Variants in ADCY5 observed in about 807,000 individuals in gnomAD.
ADCY5 encodes the protein adenylate cyclase type 5.
ADCY5 carries 30 observed loss-of-function variants against 119.7 expected under a neutral mutation model. The ratio of observed to expected loss-of-function variants is 0.25; its 90% confidence interval spans 0.19 to 0.34. The LOEUF is 0.34. Among genes scored for constraint, ADCY5 ranks in the 10% least tolerant of loss-of-function variants. The pLI is 1.00. For missense variants in ADCY5, 1,324 were observed against 1,775.2 expected (o/e 0.75, Z 4.57); for synonymous variants, 753 against 762.2 (o/e 0.99, Z 0.20).
At chr3:123,337,744 G>A (rs1942088764) in intron 3 of ADCY5, among the ~76,000 whole-genome samples, 1 of 152,218 alleles carries the variant, frequency 6.6e-6, no homozygotes, top group East Asian at 1.9e-4. Context: ...CAAAGATCTT[G>A]CTTCCAAATA....
At chr3:123,430,954 G>A (rs1029997032) in intron 1 of ADCY5, among the ~76,000 whole-genome samples, 1 of 152,140 alleles carries the variant, frequency 6.6e-6, no homozygotes, top group Non-Finnish European at 1.5e-5. Context: ...ATCCTCTGAG[G>A]GTACAAGCCC....
intron 12 of ADCY5, among the ~76,000 whole-genome samples, chr3:123,306,493 C>T (rs1470845773): frequency 6.6e-6 from 1 of 152,060 alleles, no homozygotes; most frequent in Non-Finnish European, 1.5e-5. Flanking sequence ...AGAGGTGACA[C>T]CAAAAGCACC....
At chr3:123,351,468 C>A (rs1007814670) in intron 2 of ADCY5, among the ~76,000 whole-genome samples, 1 of 152,174 alleles carries the variant, frequency 6.6e-6, no homozygotes, top group Non-Finnish European at 1.5e-5. Flanking sequence ...ACGCAGCATG[C>A]GGCACTTAGA....
chr3:123,314,085 T>C (rs753296485), intron 12 of ADCY5, 150 bp downstream of exon 12: 1 of 618,618 alleles, frequency 1.6e-6, no homozygotes, highest in Non-Finnish European at 2.9e-6. Context: ...GCCAATGCCA[T>C]TGGAGAGGTG....
intron 1 of ADCY5, among the ~76,000 whole-genome samples, chr3:123,446,019 A>G (rs947236125): frequency 2.0e-5 from 3 of 152,210 alleles, no homozygotes; most frequent in African/African-American, 7.2e-5. Context: ...GCAGGGGTAC[A>G]GCTTGGGGCA....
rs1553751262 is a variant in ADCY5 at position 123,448,117 on chromosome 3, AGCCGCCGCCGCCGAGCCGCC to A, written c.409_428del (p.Gly137CysfsTer184). On this transcript the variant is annotated frameshift_variant, in exon 1 of 21. Coordinates refer to ENST00000462833, the MANE Select transcript of ADCY5 (RefSeq NM_183357.3). LOFTEE classifies it high-confidence loss of function. ...GCACCTCCGTCCCGCCCGCCGAGGCAGCCGCCGCCGCCGAGCCGCCGCCGCCGCCCGCAGGGGGCGCCCGG... is the reference window on the plus strand; with the variant it reads ...GCACCTCCGTCCCGCCCGCCGAGGCAGCCGCCGCCCGCAGGGGGCGCCCGG... The A allele has an allele frequency of 9.1e-7, 1 of 1,094,628 alleles. No individual in the cohort carries two copies. Among genetic ancestry groups the A allele is most frequent in the Non-Finnish European group, 1.1e-6 (1 of 904,510 alleles). The allele number at this position is 1,094,628 out of a possible 1,614,324, so 67.8% of individuals were successfully genotyped here. A position where few individuals can be genotyped will look rare whatever the true frequency, so the allele number is the denominator to read the frequency against.
At chr3:123,304,308 G>A (rs368996492) in intron 12 of ADCY5, 125 bp from the exon 13 acceptor site, 56 of 679,504 alleles carry the variant, frequency 8.2e-5, no homozygotes, top group Middle Eastern at 8.1e-4. Context: ...TGACCCCTGG[G>A]CCTTCCTGGT....
At chr3:123,308,108 A>C (rs1347439121) in intron 12 of ADCY5, among the ~76,000 whole-genome samples, 2 of 132,264 alleles carry the variant, frequency 1.5e-5, no homozygotes, top group Non-Finnish European at 1.5e-5. Flanking sequence ...GTCTCGGCTC[A>C]CTGCAAGCTC....
intron 1 of ADCY5, among the ~76,000 whole-genome samples, chr3:123,441,308 A>G (rs1451117092): frequency 2.6e-5 from 4 of 152,202 alleles, no homozygotes; most frequent in African/African-American, 2.4e-5. Flanking sequence ...GGTGATTATG[A>G]TAAGCCAAAG....
rs189392331 is a variant in ADCY5 at position 123,292,093 on chromosome 3, C to T, written c.3064-717G>A. Among the ~76,000 whole-genome samples the T allele has an allele frequency of 3.3e-3, 510 of 152,318 alleles. 1 individual carries two copies. Among genetic ancestry groups the T allele is most frequent in the Non-Finnish European group, 5.6e-3 (384 of 68,030 alleles). ...CCTCGGGTCAAGAGGCCAGTAGTGC[C>T]CTACAAGGGGCTGAAGGGAAGAGGT... On this transcript the variant is annotated intron_variant, in intron 17 of 20. Coordinates refer to ENST00000462833, the MANE Select transcript of ADCY5 (RefSeq NM_183357.3).
intron 1 of ADCY5, among the ~76,000 whole-genome samples, chr3:123,441,342 T>A (rs749274954): frequency 1.4e-4 from 22 of 152,220 alleles, no homozygotes; most frequent in Non-Finnish European, 2.2e-4. Context: ...ATGCAGTCAG[T>A]GACCCATCCA....
At chr3:123,446,291 G>A (rs1214032712) in intron 1 of ADCY5, among the ~76,000 whole-genome samples, 2 of 152,230 alleles carry the variant, frequency 1.3e-5, no homozygotes, top group East Asian at 1.9e-4. Context: ...GGCACTAGAA[G>A]AGGGGAGACA....
chr3:123,447,578 C>A lies in ADCY5; in HGVS notation c.968G>T (p.Arg323Leu). The A allele has an allele frequency of 1.2e-6, 2 of 1,608,274 alleles. No homozygotes were observed. Among genetic ancestry groups the A allele is most frequent in the Non-Finnish European group, 1.7e-6 (2 of 1,179,378 alleles). The change falls in exon 1 of 21, where the codon CGC becomes CTC. Residue 323 changes from arginine (R) to leucine (L), a missense_variant. By Grantham distance (102) the Arg-to-Leu change is moderately radical. Transcript: ENST00000462833. ...QVVGLLLPQPRSASEGIWWTV... is the reference protein window; with the variant it reads ...QVVGLLLPQPLSASEGIWWTV... ...CCACCAGATGCCCTCAGAGGCGCTG[C>A]GTGGCTGCGGCAGCAGCAGGCCCAC...
intron 6 of ADCY5, among the ~76,000 whole-genome samples, chr3:123,328,105 A>C (rs931569626): frequency 4.6e-5 from 7 of 151,992 alleles, no homozygotes; most frequent in Non-Finnish European, 1.0e-4. Flanking sequence ...CGGAGTCCAA[A>C]TTCACGAGCC....
At chr3:123,342,657 C>A (rs570080144) in intron 3 of ADCY5, among the ~76,000 whole-genome samples, 1 of 151,024 alleles carries the variant, frequency 6.6e-6, no homozygotes, top group Admixed American at 6.6e-5. Flanking sequence ...GCTTTCTCGC[C>A]CTTCACACAA....
At chr3:123,440,131 T>C (rs1295952605) in intron 1 of ADCY5, among the ~76,000 whole-genome samples, 1 of 152,246 alleles carries the variant, frequency 6.6e-6, no homozygotes, top group Non-Finnish European at 1.5e-5. Flanking sequence ...TTCATTCATT[T>C]GCTTGTTCAT....
chr3:123,408,718 T>C (rs1944969936), intron 1 of ADCY5, among the ~76,000 whole-genome samples: 1 of 150,704 alleles, frequency 6.6e-6, no homozygotes, highest in Non-Finnish European at 1.5e-5. Flanking sequence ...GGCTCACTCC[T>C]GTAATCTCAG....
At chr3:123,346,369 T>C (rs540446415) in intron 3 of ADCY5, among the ~76,000 whole-genome samples, 44 of 152,320 alleles carry the variant, frequency 2.9e-4, no homozygotes, top group Admixed American at 2.0e-3. Flanking sequence ...CTGCCTACAC[T>C]GTCCCTACCT....
chr3:123,298,946 C>T (rs4678004), intron 15 of ADCY5, among the ~76,000 whole-genome samples: 149,964 of 152,016 alleles, frequency 0.99, 73,996 homozygotes, highest in East Asian at 1. Flanking sequence ...GTTGATAATC[C>T]ACAGTTCACA....
Sources: allele counts gnomAD v4.1 joint callset (sites outside exome capture counted in the v4.1 genomes callset), GRCh38; gene constraint gnomAD v4.1.1; transcripts MANE v1.5; gene names NCBI Gene and HGNC (gene_info 2026-07-23, HGNC 2026-07-21).